Variants in EXOC4 observed in about 807,000 individuals in gnomAD.
EXOC4 encodes SEC8-like 1.
EXOC4 carries 71 observed loss-of-function variants against 107.2 expected under a neutral mutation model. That is an observed-to-expected ratio of 0.66 (90% CI 0.55 to 0.81). The LOEUF (loss-of-function observed/expected upper bound fraction) is 0.81, where lower values mean the gene tolerates loss of function less well. Among genes scored for constraint, EXOC4 ranks in the 30% least tolerant of loss-of-function variants. The pLI is 0.00. For missense variants in EXOC4, 1,108 were observed against 1,189.6 expected, an observed-to-expected ratio of 0.93 and a Z score of 1.01; for synonymous variants, 456 against 441.2, an observed-to-expected ratio of 1.03 and a Z score of -0.42.
rs563935328 is a variant in EXOC4 at position 133,807,481 on chromosome 7, C to T, written c.1515-9844C>T. Among the ~76,000 whole-genome samples the T allele has an allele frequency of 8.1e-4, 123 of 151,932 alleles. 1 individual carries two copies. The highest frequency in any genetic ancestry group is 6.8e-3 in the Middle Eastern group (2 of 294). ...CTGAAGGTCAAACTGATATGGGGCA[C>T]CTAAAACAGAGTATATTTAATACGT... is the stretch of plus-strand genomic sequence containing the variant. On this transcript the variant is annotated intron_variant, in intron 10 of 17. Transcript: ENST00000253861.
At chr7:133,931,757 G>A (rs1368883272) in intron 13 of EXOC4, among the ~76,000 whole-genome samples, 1 of 152,142 alleles carries the variant, frequency 6.6e-6, no homozygotes, top group African/African-American at 2.4e-5. Context: ...GAAGCTGTTC[G>A]AATCCTGGTG....
chr7:133,630,311 C>CCA, intron 10 of EXOC4, 170 bp downstream of exon 10: 1 of 534,810 alleles, frequency 1.9e-6, no homozygotes, highest in Non-Finnish European at 3.3e-6. Flanking sequence ...AATCTCAATC[C>CCA]CACTGAGTAG....
chr7:133,578,099 A>G (rs1045488092), intron 9 of EXOC4, among the ~76,000 whole-genome samples: 1 of 152,112 alleles, frequency 6.6e-6, no homozygotes, highest in Non-Finnish European at 1.5e-5. Flanking sequence ...TACCCATATT[A>G]TTGTCTTAAT....
At chr7:134,029,359 TC>T (rs1193263212) in intron 17 of EXOC4, among the ~76,000 whole-genome samples, 1 of 152,136 alleles carries the variant, frequency 6.6e-6, no homozygotes, top group African/African-American at 2.4e-5. Context: ...ATAATTTCAT[TC>T]ATATGAAGGT....
intron 11 of EXOC4, among the ~76,000 whole-genome samples, chr7:133,834,534 C>T (rs1202668997): frequency 7.2e-5 from 11 of 152,224 alleles, no homozygotes; most frequent in Non-Finnish European, 1.0e-4. Context: ...CAAGGAGGCA[C>T]CCCTCTGCGC....
intron 7 of EXOC4, among the ~76,000 whole-genome samples, chr7:133,469,764 TC>T (rs1455894497): frequency 2.0e-5 from 3 of 152,228 alleles, no homozygotes; most frequent in Admixed American, 6.5e-5. Flanking sequence ...TTTGCAGTGT[TC>T]AAGTCTGTCT....
At chr7:133,519,220 G>C (rs1799936878) in intron 9 of EXOC4, among the ~76,000 whole-genome samples, 1 of 152,014 alleles carries the variant, frequency 6.6e-6, no homozygotes, top group Non-Finnish European at 1.5e-5. Context: ...TTTGAGACCA[G>C]CCTAGGCAAC....
intron 17 of EXOC4, among the ~76,000 whole-genome samples, chr7:134,018,981 A>G (rs1194501407): frequency 2.0e-5 from 3 of 152,170 alleles, no homozygotes; most frequent in Non-Finnish European, 4.4e-5. Flanking sequence ...CCCAGGCTGA[A>G]GTGCAGTGGC....
intron 11 of EXOC4, among the ~76,000 whole-genome samples, chr7:133,879,637 T>C (rs930539599): frequency 3.3e-5 from 5 of 152,228 alleles, no homozygotes; most frequent in African/African-American, 1.2e-4. Flanking sequence ...TACGTGTAAT[T>C]ACCTGTAATA....
intron 10 of EXOC4, among the ~76,000 whole-genome samples, chr7:133,668,925 G>GGGA (rs1217324685): frequency 2.0e-5 from 3 of 151,998 alleles, no homozygotes; most frequent in Non-Finnish European, 4.4e-5. Context: ...GCATGGGAAG[G>GGGA]GGAGGAGGTG....
intron 17 of EXOC4, among the ~76,000 whole-genome samples, chr7:134,015,665 A>G (rs370857112): frequency 6.6e-6 from 1 of 152,062 alleles, no homozygotes; most frequent in East Asian, 1.9e-4. Flanking sequence ...TCACGAGGTC[A>G]GGAGATCGAG....
chr7:133,611,483 G>T (rs977232238), intron 9 of EXOC4, among the ~76,000 whole-genome samples: 1 of 152,080 alleles, frequency 6.6e-6, no homozygotes, highest in African/African-American at 2.4e-5. Flanking sequence ...ATCTTTAATA[G>T]CTTTTCATTG....
chr7:133,281,731 T>C (rs1378983763), intron 2 of EXOC4, among the ~76,000 whole-genome samples: 3 of 149,860 alleles, frequency 2.0e-5, no homozygotes, highest in Non-Finnish European at 4.4e-5. Flanking sequence ...GGAAAGAGTC[T>C]CGCTCTGTTG....
At chr7:133,865,038 G>C (rs1184360421) in intron 11 of EXOC4, among the ~76,000 whole-genome samples, 1 of 152,070 alleles carries the variant, frequency 6.6e-6, no homozygotes, top group Non-Finnish European at 1.5e-5. Flanking sequence ...GGAAATCCTT[G>C]TCTGAAAAAT....
chr7:133,946,858 A>T (rs1283906383), intron 14 of EXOC4, among the ~76,000 whole-genome samples: 1 of 152,284 alleles, frequency 6.6e-6, no homozygotes, highest in South Asian at 2.1e-4. Context: ...TTTAAAACAC[A>T]TCTACTCTGG....
chr7:133,499,587 G>T (rs1799539404), intron 9 of EXOC4, among the ~76,000 whole-genome samples: 1 of 152,144 alleles, frequency 6.6e-6, no homozygotes, highest in Non-Finnish European at 1.5e-5. Flanking sequence ...ATTTTGTCAA[G>T]TAGGCCTTAT....
At chr7:133,574,837 A>G (rs1233180924) in intron 9 of EXOC4, among the ~76,000 whole-genome samples, 2 of 152,220 alleles carry the variant, frequency 1.3e-5, no homozygotes, top group African/African-American at 2.4e-5. Context: ...TATTTGGTGA[A>G]GATTTGAAAC....
intron 17 of EXOC4, among the ~76,000 whole-genome samples, chr7:134,053,536 A>G (rs1346541432): frequency 6.6e-6 from 1 of 150,482 alleles, no homozygotes; most frequent in Non-Finnish European, 1.5e-5. Context: ...ACCATTGTAT[A>G]TGCTGATGAA....
chr7:133,595,034 T>C (rs1351645025), intron 9 of EXOC4, among the ~76,000 whole-genome samples: 1 of 152,012 alleles, frequency 6.6e-6, no homozygotes, highest in African/African-American at 2.4e-5. Context: ...CATGCAAATA[T>C]AGAGGCAGGG....
Sources: allele counts gnomAD v4.1 joint callset (sites outside exome capture counted in the v4.1 genomes callset), GRCh38; gene constraint gnomAD v4.1.1; transcripts MANE v1.5; gene names NCBI Gene and HGNC (gene_info 2026-07-23, HGNC 2026-07-21).